FSTL5: variants seen among roughly 807,000 people sequenced by gnomAD.
FSTL5 encodes the protein follistatin-related protein 5.
A neutral mutation model predicts 89.1 loss-of-function variants in FSTL5; 62 were observed. The observed-to-expected ratio is 0.70, with a 90% CI of 0.57 to 0.86. FSTL5 has a LOEUF of 0.86. FSTL5 is among the 40% of genes least tolerant of loss of function. The pLI is 0.00. For missense variants in FSTL5, 1,057 were observed against 1,001.6 expected, an observed-to-expected ratio of 1.06 and a Z score of -0.75; for synonymous variants, 383 against 346.2, an observed-to-expected ratio of 1.11 and a Z score of -1.18.
At chr4:161,510,317 TTAA>T in intron 11 of FSTL5, 78 bp downstream of exon 11, 1 of 847,450 alleles carries the variant, frequency 1.2e-6, no homozygotes, top group Middle Eastern at 2.5e-4. Context: ...AAGAAGGTAA[TTAA>T]TGATACAAAA....
At chr4:162,090,407 C>T (rs1202920137) in intron 2 of FSTL5, among the ~76,000 whole-genome samples, 1 of 151,718 alleles carries the variant, frequency 6.6e-6, no homozygotes, top group Non-Finnish European at 1.5e-5. Context: ...GAAAAACAAC[C>T]CCATTAAAAA....
chr4:161,677,001 A>G (rs1484100423), intron 6 of FSTL5, among the ~76,000 whole-genome samples: 1 of 152,040 alleles, frequency 6.6e-6, no homozygotes, highest in Non-Finnish European at 1.5e-5. Flanking sequence ...AAATAACAAT[A>G]TATTTTTACT....
At chr4:161,921,218 T>C (rs1035853362) in intron 3 of FSTL5, among the ~76,000 whole-genome samples, 12 of 152,156 alleles carry the variant, frequency 7.9e-5, no homozygotes, top group African/African-American at 2.7e-4. Flanking sequence ...AAAATAACTG[T>C]CTCTTGAAAA....
chr4:161,628,313 G>C, intron 7 of FSTL5, among the ~76,000 whole-genome samples: 1 of 151,974 alleles, frequency 6.6e-6, no homozygotes, highest in East Asian at 1.9e-4. Context: ...GATTATTCTA[G>C]TTGTAGTAAA....
intron 4 of FSTL5, among the ~76,000 whole-genome samples, chr4:161,855,792 A>C (rs1731702759): frequency 6.6e-6 from 1 of 152,166 alleles, no homozygotes; most frequent in South Asian, 2.1e-4. Context: ...AAAATACCAC[A>C]CGTCAAAATT....
intron 3 of FSTL5, among the ~76,000 whole-genome samples, chr4:161,981,589 C>A (rs1204776200): frequency 5.9e-5 from 9 of 152,108 alleles, no homozygotes; most frequent in Admixed American, 4.6e-4. Context: ...GTGATAAGGG[C>A]ATTATACTTT....
intron 15 of FSTL5, among the ~76,000 whole-genome samples, chr4:161,415,747 ATAC>A (rs1357002803): frequency 7.1e-6 from 1 of 141,818 alleles, no homozygotes; most frequent in African/African-American, 2.5e-5. Flanking sequence ...TATGATATAT[ATAC>A]ACATATATAT....
chr4:161,652,042 T>TG (rs1736358739), intron 7 of FSTL5, among the ~76,000 whole-genome samples: 1 of 152,154 alleles, frequency 6.6e-6, no homozygotes, highest in African/African-American at 2.4e-5. Context: ...CACACAGTGG[T>TG]TAAACTCCTG....
rs1192845200 is a variant in FSTL5 at position 162,084,375 on chromosome 4, G to GA, written c.126+26895dup. Among the ~76,000 whole-genome samples the GA allele has an allele frequency of 2.0e-5, 3 of 151,812 alleles. No individual in the cohort carries two copies. The South Asian group carries it at 6.2e-4, about 31-fold the overall frequency. On this transcript the variant is annotated intron_variant, in intron 2 of 15. Transcript: ENST00000306100. ...CACAACTCATTTATAAATAACATTT[G>GA]AAAACCAGTCAATCATTTGGAAAAA...
chr4:161,419,087 T>C, intron 15 of FSTL5, among the ~76,000 whole-genome samples: 1 of 152,190 alleles, frequency 6.6e-6, no homozygotes, highest in East Asian at 1.9e-4. Flanking sequence ...TCAATCTATT[T>C]CATGTAGAGC....
At chr4:161,971,119 A>G (rs1234175869) in intron 3 of FSTL5, among the ~76,000 whole-genome samples, 2 of 152,130 alleles carry the variant, frequency 1.3e-5, no homozygotes, top group Non-Finnish European at 2.9e-5. Flanking sequence ...TAAATATTCA[A>G]TGCTTATTTT....
intron 8 of FSTL5, among the ~76,000 whole-genome samples, chr4:161,550,168 GC>G (rs1383186189): frequency 6.6e-6 from 1 of 151,824 alleles, no homozygotes; most frequent in East Asian, 1.9e-4. Context: ...CCTGTACATT[GC>G]CCTTAATATT....
intron 10 of FSTL5, among the ~76,000 whole-genome samples, chr4:161,513,253 C>T (rs1319867259): frequency 7.8e-6 from 1 of 128,746 alleles, no homozygotes; most frequent in African/African-American, 2.9e-5. Context: ...AAGCACTGAA[C>T]TGAACCAAAC....
intron 13 of FSTL5, among the ~76,000 whole-genome samples, chr4:161,472,646 A>T (rs1390782171): frequency 1.3e-5 from 2 of 151,982 alleles, no homozygotes; most frequent in East Asian, 3.9e-4. Context: ...TCCACAATTT[A>T]AAAAAAATTC....
At chr4:161,987,483 T>C (rs946566737) in intron 3 of FSTL5, among the ~76,000 whole-genome samples, 16 of 142,988 alleles carry the variant, frequency 1.1e-4, no homozygotes, top group African/African-American at 1.6e-4. Context: ...TATATATATA[T>C]ATACATACAT....
chr4:161,534,709 G>A (rs1471811669), intron 10 of FSTL5, among the ~76,000 whole-genome samples: 2 of 152,072 alleles, frequency 1.3e-5, no homozygotes, highest in East Asian at 3.9e-4. Flanking sequence ...GTATCTCACA[G>A]TATTAGAAAA....
At chr4:161,579,170 ATAT>A (rs1405266084) in intron 8 of FSTL5, among the ~76,000 whole-genome samples, 3 of 152,224 alleles carry the variant, frequency 2.0e-5, no homozygotes, top group Non-Finnish European at 4.4e-5. Context: ...ATGTTTGATA[ATAT>A]TATTACAAAG....
intron 13 of FSTL5, among the ~76,000 whole-genome samples, chr4:161,467,329 C>G (rs1204097339): frequency 6.6e-6 from 1 of 152,018 alleles, no homozygotes; most frequent in Non-Finnish European, 1.5e-5. Flanking sequence ...GCACATCATA[C>G]AGTAAGGAAG....
intron 10 of FSTL5, among the ~76,000 whole-genome samples, chr4:161,519,322 C>T (rs1003219847): frequency 6.6e-6 from 1 of 151,978 alleles, no homozygotes; most frequent in Non-Finnish European, 1.5e-5. Context: ...GTCAGGAGAT[C>T]GAGACCATCC....
Sources: allele counts gnomAD v4.1 joint callset (sites outside exome capture counted in the v4.1 genomes callset), GRCh38; gene constraint gnomAD v4.1.1; transcripts MANE v1.5; gene names NCBI Gene and HGNC (gene_info 2026-07-23, HGNC 2026-07-21).